The following DCAF12 variants were observed in gnomAD, a reference collection of about 807,000 sequenced individuals.
The protein encoded by DCAF12 is DDB1 and CUL4 associated factor 12.
In DCAF12, 28 loss-of-function variants were observed where a neutral mutation model predicts 52.8. The ratio of observed to expected loss-of-function variants is 0.53; its 90% confidence interval spans 0.39 to 0.73. The LOEUF is 0.73. Among genes scored for constraint, DCAF12 ranks in the 30% least tolerant of loss-of-function variants. The probability of loss-of-function intolerance (pLI) is 0.00; values close to 1 mark genes in which losing one functional copy is unlikely to be tolerated. For synonymous variants in DCAF12, 196 were observed against 215.5 expected, an observed-to-expected ratio of 0.91 and a Z score of 0.79; for missense variants, 425 against 552.2, an observed-to-expected ratio of 0.77 and a Z score of 2.31.
chr9:34,111,840 G>A (rs562406577), intron 2 of DCAF12, among the ~76,000 whole-genome samples: 2 of 152,076 alleles, frequency 1.3e-5, no homozygotes, highest in Non-Finnish European at 2.9e-5. Flanking sequence ...GAAAACTTGA[G>A]ACTTGAAGCA....
At chr9:34,120,283 G>A (rs926776760) in intron 2 of DCAF12, among the ~76,000 whole-genome samples, 21 of 150,808 alleles carry the variant, frequency 1.4e-4, no homozygotes, top group African/African-American at 5.1e-4. Context: ...AGGATTCTGG[G>A]GCAGGAGGAT....
intron 2 of DCAF12, among the ~76,000 whole-genome samples, chr9:34,122,019 T>G (rs1587743128): frequency 6.6e-6 from 1 of 152,208 alleles, no homozygotes; most frequent in South Asian, 2.1e-4. Flanking sequence ...CCGGTTTTCC[T>G]GAGTTCCCTG....
In DCAF12 at chr9:34,093,200, C is replaced by T. The variant is rs1307540981; in HGVS notation, c.1024+86G>A. Reference sequence around the variant, plus strand: ...CAAATGTTCCATACAGAGCACTATACCTGTTTGGAAACCAACAAAGAAACT... The same window carrying T: ...CAAATGTTCCATACAGAGCACTATATCTGTTTGGAAACCAACAAAGAAACT... On this transcript the variant is annotated intron_variant, in intron 7 of 8. Transcript: ENST00000361264. 6.6e-6 allele frequency: 10 copies of T among 1,510,422 alleles called. No homozygotes were observed. The Admixed American group carries it at 6.8e-5, about 10-fold the overall frequency. The allele number at this position is 1,510,422 out of a possible 1,614,324, so 93.6% of individuals were successfully genotyped here. A position where few individuals can be genotyped will look rare whatever the true frequency, so the allele number is the denominator to read the frequency against.
intron 2 of DCAF12, among the ~76,000 whole-genome samples, chr9:34,121,489 T>C (rs1280618790): frequency 6.6e-6 from 1 of 152,180 alleles, no homozygotes; most frequent in East Asian, 1.9e-4. Flanking sequence ...ATCTGACTTG[T>C]TCTGCTACAA....
chr9:34,106,497 TG>T lies in DCAF12; in HGVS notation c.541-4del. 1 of 1,609,560 alleles carries T rather than the reference TG, an allele frequency of 6.2e-7. No individual in the cohort carries two copies. The highest frequency in any genetic ancestry group is 8.5e-7 in the Non-Finnish European group (1 of 1,177,090). On this transcript the variant is annotated splice_polypyrimidine_tract_variant and splice_region_variant and intron_variant, in intron 3 of 8. Transcript: ENST00000361264. ...AAGATCCAGTCCTTGTGTCCATCCT[TG>T]GAGAGCAGGGAGTAACAGGTACAGG...
intron 2 of DCAF12, among the ~76,000 whole-genome samples, chr9:34,115,466 GCCT>G (rs527703223): frequency 8.7e-5 from 10 of 114,810 alleles, no homozygotes; most frequent in Admixed American, 1.8e-4. Flanking sequence ...GGGCATGGTG[GCCT>G]GCACCTGTAG....
chr9:34,089,989 G>A (rs948384774), intron 7 of DCAF12: 1 of 160,820 alleles, frequency 6.2e-6, no homozygotes, highest in African/African-American at 2.4e-5. Context: ...AAGGTAATCT[G>A]CATATTTATA....
At chr9:34,116,182 C>A (rs1183671404) in intron 2 of DCAF12, among the ~76,000 whole-genome samples, 1 of 151,240 alleles carries the variant, frequency 6.6e-6, no homozygotes, top group African/African-American at 2.4e-5. Context: ...ACATGGCAAA[C>A]CCTGTCTCTA....
At chr9:34,092,148 A>G (rs1373955849) in intron 7 of DCAF12, among the ~76,000 whole-genome samples, 1 of 152,182 alleles carries the variant, frequency 6.6e-6, no homozygotes, top group Non-Finnish European at 1.5e-5. Flanking sequence ...TAAACTCAGT[A>G]TTTTCTTCAG....
chr9:34,106,553 AT>A lies in DCAF12; in HGVS notation c.541-60del, dbSNP rs371173684. On this transcript the variant is annotated intron_variant, in intron 3 of 8. Transcript: ENST00000361264. ...AAAATAAGAAATTAGTAAAATAAGG[AT>A]TGTAATAAACTCTCTAAAGAAGCAT... is the stretch of plus-strand genomic sequence containing the variant. 78 of 1,384,144 alleles carry A rather than the reference AT, an allele frequency of 5.6e-5. 2 individuals are homozygous for A. In the Middle Eastern group the frequency reaches 1.3e-3, roughly 23 times the overall value. 85.7% of individuals were successfully genotyped at this position (1,384,144 alleles called of 1,614,324 possible).
intron 7 of DCAF12, among the ~76,000 whole-genome samples, chr9:34,090,159 G>A (rs1587729724): frequency 6.6e-6 from 1 of 152,212 alleles, no homozygotes; most frequent in East Asian, 1.9e-4. Context: ...TGCCTTCCGG[G>A]TTCAAGCGAT....
intron 7 of DCAF12, among the ~76,000 whole-genome samples, chr9:34,092,932 G>A (rs954485578): frequency 8.6e-5 from 13 of 151,942 alleles, no homozygotes; most frequent in Non-Finnish European, 1.5e-4. Flanking sequence ...CGCAACCTCC[G>A]CCTCCCAGGT....
chr9:34,103,041 GATCAC>G (rs61396116), intron 4 of DCAF12, among the ~76,000 whole-genome samples: 44,037 of 138,234 alleles, frequency 0.32, 7,123 homozygotes, highest in Middle Eastern at 0.41. Context: ...AGTGAGCCAT[GATCAC>G]ATCACGCCAC....
At chr9:34,095,365 G>A (rs1240975376) in intron 6 of DCAF12, among the ~76,000 whole-genome samples, 3 of 131,318 alleles carry the variant, frequency 2.3e-5, no homozygotes, top group East Asian at 2.2e-4. Flanking sequence ...GAACCACCGC[G>A]CCAGGCCTTT....
At position 34,088,286 on chromosome 9, in the gene DCAF12, T is replaced by A; in HGVS notation, c.*64A>T. 1 of 1,473,766 alleles carries A rather than the reference T, an allele frequency of 6.8e-7. No individual in the cohort carries two copies. Among genetic ancestry groups the A allele is most frequent in the South Asian group, 1.5e-5 (1 of 67,912 alleles). 91.3% of individuals were successfully genotyped at this position (1,473,766 alleles called of 1,614,324 possible). A position where few individuals can be genotyped will look rare whatever the true frequency, so the allele number is the denominator to read the frequency against. ...CCTCACACAATTAGGAAAAAAAAAA[T>A]CAAAAGAAACAAGGAAACTGAGAAT... On this transcript the variant is annotated 3_prime_UTR_variant, in exon 9 of 9. Transcript: ENST00000361264.
At chr9:34,095,371 CCTTT>C in intron 6 of DCAF12, among the ~76,000 whole-genome samples, 1 of 115,208 alleles carries the variant, frequency 8.7e-6, no homozygotes, top group Non-Finnish European at 1.8e-5. Context: ...CCGCGCCAGG[CCTTT>C]TTTTTTTTTT....
At chr9:34,122,472 A>C (rs902229746) in intron 2 of DCAF12, among the ~76,000 whole-genome samples, 2 of 137,032 alleles carry the variant, frequency 1.5e-5, no homozygotes, top group Non-Finnish European at 1.6e-5. Context: ...CATTAGTATC[A>C]ATTTTTTTTT....
chr9:34,115,698 T>C (rs1829078317), intron 2 of DCAF12, among the ~76,000 whole-genome samples: 1 of 151,850 alleles, frequency 6.6e-6, no homozygotes, highest in South Asian at 2.1e-4. Flanking sequence ...TTTTAGGAAC[T>C]TACACTGAGG....
rs991232982 is a variant in DCAF12, at chr9:34,086,477, C to T, written c.*1873G>A. ...AAATCTCAAACAATCAAACGCATTACCCATTACAGAAGAGGGTCTAGCAAT... is the reference window on the plus strand; with the variant it reads ...AAATCTCAAACAATCAAACGCATTATCCATTACAGAAGAGGGTCTAGCAAT... On this transcript the variant is annotated 3_prime_UTR_variant, in exon 9 of 9. Coordinates refer to ENST00000361264, the MANE Select transcript of DCAF12 (RefSeq NM_015397.4). 6.6e-6 allele frequency: 1 copy of T among 152,060 alleles called. No homozygotes were observed. The highest frequency in any genetic ancestry group is 2.4e-5 in the African/African-American group (1 of 41,406). The allele number at this position is 152,060 out of a possible 1,614,324, so 9.4% of individuals were successfully genotyped here. A position where few individuals can be genotyped will look rare whatever the true frequency, so the allele number is the denominator to read the frequency against.
Sources: allele counts gnomAD v4.1 joint callset (sites outside exome capture counted in the v4.1 genomes callset), GRCh38; gene constraint gnomAD v4.1.1; transcripts MANE v1.5; gene names NCBI Gene and HGNC (gene_info 2026-07-23, HGNC 2026-07-21).